SLC4A5: variants seen among roughly 807,000 people sequenced by gnomAD.
SLC4A5 encodes electrogenic sodium bicarbonate cotransporter 4.
A neutral mutation model predicts 120.4 loss-of-function variants in SLC4A5; 96 were observed. That is an observed-to-expected ratio of 0.80 (90% CI 0.68 to 0.94). SLC4A5 has a LOEUF of 0.94. SLC4A5 is among the 40% of genes least tolerant of loss of function. SLC4A5 has a pLI of 0.00. For missense variants in SLC4A5, 1,259 were observed against 1,459.5 expected, an observed-to-expected ratio of 0.86 and a Z score of 2.24; for synonymous variants, 550 against 571.1, an observed-to-expected ratio of 0.96 and a Z score of 0.53.
intron 8 of SLC4A5, among the ~76,000 whole-genome samples, chr2:74,265,987 TCAACCACAA>T (rs918209159): frequency 6.6e-6 from 1 of 152,174 alleles, no homozygotes; most frequent in Non-Finnish European, 1.5e-5. Context: ...TTGTAAGATG[TCAACCACAA>T]ATGCATGGGT....
At chr2:74,287,434 G>A (rs1231509457) in intron 7 of SLC4A5, among the ~76,000 whole-genome samples, 1 of 152,136 alleles carries the variant, frequency 6.6e-6, no homozygotes, top group East Asian at 1.9e-4. Context: ...GAACTCAGTT[G>A]AGTGAGCAGG....
chr2:74,278,382 G>A (rs1671709210), intron 8 of SLC4A5, among the ~76,000 whole-genome samples: 1 of 152,186 alleles, frequency 6.6e-6, no homozygotes, highest in South Asian at 2.1e-4. Flanking sequence ...ATGGCCTTGT[G>A]TCACTGCCTG....
intron 26 of SLC4A5, 107 bp from the exon 27 acceptor site, chr2:74,227,237 C>G: frequency 7.7e-7 from 1 of 1,298,746 alleles, no homozygotes; most frequent in Non-Finnish European, 1.0e-6. Flanking sequence ...AGGGGAAGCC[C>G]CCTGCTCAGG....
chr2:74,337,178 C>T (rs1673508487), intron 3 of SLC4A5, among the ~76,000 whole-genome samples: 1 of 152,196 alleles, frequency 6.6e-6, no homozygotes. Context: ...GCATCCCTCA[C>T]AATCTGTGGA....
At position 74,250,994 on chromosome 2, in the gene SLC4A5, G is replaced by C. The variant is rs947699301; in HGVS notation, c.1479-477C>G. Reference sequence around the variant, plus strand: ...GTTTGTTTTTTGATTTTGCTATCTGGAACAGCTGAGTGGAAGATTTTAGGT... The same window carrying C: ...GTTTGTTTTTTGATTTTGCTATCTGCAACAGCTGAGTGGAAGATTTTAGGT... On this transcript the variant is annotated intron_variant, in intron 16 of 30. Coordinates refer to ENST00000394019, the Ensembl canonical transcript of SLC4A5. Among the ~76,000 whole-genome samples, 9 of 152,164 alleles carry C rather than the reference G, an allele frequency of 5.9e-5. No homozygotes were observed. In the South Asian group the frequency reaches 1.2e-3, roughly 21 times the overall value.
intron 3 of SLC4A5, among the ~76,000 whole-genome samples, chr2:74,336,905 G>A (rs939306648): frequency 6.6e-6 from 1 of 152,174 alleles, no homozygotes; most frequent in African/African-American, 2.4e-5. Flanking sequence ...TGCAGGGAAG[G>A]TGTGTGAAAA....
At chr2:74,275,811 G>GT (rs1412438398) in intron 8 of SLC4A5, among the ~76,000 whole-genome samples, 1 of 152,220 alleles carries the variant, frequency 6.6e-6, no homozygotes, top group Non-Finnish European at 1.5e-5. Context: ...AGGTAGGTCT[G>GT]TGACTATTTC....
At chr2:74,219,750 T>C (rs186659745) in intron 30 of SLC4A5, among the ~76,000 whole-genome samples, 4 of 152,290 alleles carry the variant, frequency 2.6e-5, no homozygotes, top group Admixed American at 6.5e-5. Context: ...GAAAATAAGA[T>C]AGACTGCTTT....
At chr2:74,338,563 A>T (rs1324962525) in intron 3 of SLC4A5, among the ~76,000 whole-genome samples, 3 of 152,214 alleles carry the variant, frequency 2.0e-5, no homozygotes, top group Non-Finnish European at 4.4e-5. Flanking sequence ...TCACGCCTGT[A>T]ATCCCAGCAC....
At chr2:74,223,556 G>A (rs903725328) in intron 28 of SLC4A5, among the ~76,000 whole-genome samples, 4 of 152,148 alleles carry the variant, frequency 2.6e-5, no homozygotes, top group Non-Finnish European at 5.9e-5. Flanking sequence ...CACAACAACT[G>A]TGTTGCTATA....
chr2:74,299,074 G>A (rs1384262174), intron 7 of SLC4A5, among the ~76,000 whole-genome samples: 1 of 152,154 alleles, frequency 6.6e-6, no homozygotes, highest in Non-Finnish European at 1.5e-5. Context: ...AATCTCGCCA[G>A]GCGCAGTGGC....
At chr2:74,321,177 A>T (rs1673088635) in intron 5 of SLC4A5, among the ~76,000 whole-genome samples, 1 of 152,202 alleles carries the variant, frequency 6.6e-6, no homozygotes, top group African/African-American at 2.4e-5. Flanking sequence ...ACACCTGTGG[A>T]GGATGCTGCT....
intron 8 of SLC4A5, among the ~76,000 whole-genome samples, chr2:74,269,287 A>T (rs998731594): frequency 1.3e-5 from 2 of 152,084 alleles, no homozygotes; most frequent in African/African-American, 4.8e-5. Context: ...GCTCACTGCA[A>T]CCTCTGCCTC....
In SLC4A5 at chr2:74,231,294, GT is replaced by G. The variant is rs1437314366; in HGVS notation, c.2788del (p.Thr930ProfsTer8). 6.2e-7 allele frequency: 1 copy of G among 1,611,676 alleles called. No individual in the cohort carries two copies. The highest frequency in any genetic ancestry group is 8.5e-7 in the Non-Finnish European group (1 of 1,178,800). On this transcript the variant is annotated frameshift_variant, in exon 25 of 31. Transcript: ENST00000394019. LOFTEE classifies it high-confidence loss of function. ...CGTCAGGATGAAGACGATGATGCCG[GT>G]TACTCTCTGTTCCCTGGCAGAGAAG...
At chr2:74,277,000 C>T (rs1671665163) in intron 8 of SLC4A5, among the ~76,000 whole-genome samples, 1 of 152,164 alleles carries the variant, frequency 6.6e-6, no homozygotes, top group African/African-American at 2.4e-5. Context: ...GACAGGCCAG[C>T]TTCCCAGACC....
chr2:74,310,625 C>A (rs1043273192), intron 6 of SLC4A5, among the ~76,000 whole-genome samples: 5 of 152,082 alleles, frequency 3.3e-5, no homozygotes, highest in Non-Finnish European at 5.9e-5. Flanking sequence ...GAATACTAAA[C>A]CAGCCTTAAA....
intron 21 of SLC4A5, 95 bp downstream of exon 21, chr2:74,239,240 C>T: frequency 1.7e-6 from 2 of 1,207,160 alleles, no homozygotes; most frequent in Non-Finnish European, 2.4e-6. Context: ...CCAGTGCTCG[C>T]ATGGAGTCCA....
chr2:74,254,615 T>C lies in SLC4A5; in HGVS notation c.1113+4A>G. 1 of 1,613,484 alleles carries C rather than the reference T, an allele frequency of 6.2e-7. No homozygotes were observed. Among genetic ancestry groups the C allele is most frequent in the South Asian group, 1.1e-5 (1 of 91,072 alleles). ...AGGAGTACAAGCTTCTGGTTACCAC[T>C]TACATCATCTACCATGAGGGTTGCA... On this transcript the variant is annotated splice_donor_region_variant and intron_variant, in intron 14 of 30. Coordinates refer to ENST00000394019, the Ensembl canonical transcript of SLC4A5.
rs1036655912 is a variant in SLC4A5 at position 74,323,838 on chromosome 2, T to C, written c.-3+4282A>G. ...TCTGTGGTTGTAAGATAGTTAAATA[T>C]TCACTTGTAAGTGGCTAATATCTAA... is the stretch of plus-strand genomic sequence containing the variant. On this transcript the variant is annotated intron_variant, in intron 5 of 30. Transcript: ENST00000394019. Among the ~76,000 whole-genome samples the C allele has an allele frequency of 1.1e-3, 164 of 152,214 alleles. 2 individuals are homozygous for C. Among genetic ancestry groups the C allele is most frequent in the Admixed American group, 0.01 (159 of 15,274 alleles).
Sources: allele counts gnomAD v4.1 joint callset (sites outside exome capture counted in the v4.1 genomes callset), GRCh38; gene constraint gnomAD v4.1.1; transcripts MANE v1.5; gene names NCBI Gene and HGNC (gene_info 2026-07-23, HGNC 2026-07-21).